PPARGC1A: variants seen among roughly 807,000 people sequenced by gnomAD.
PPARGC1A encodes peroxisome proliferator-activated receptor gamma coactivator 1-alpha.
PPARGC1A carries 25 observed loss-of-function variants against 88.7 expected under a neutral mutation model. That is an observed-to-expected ratio of 0.28 (90% confidence interval 0.21 to 0.39). The LOEUF (loss-of-function observed/expected upper bound fraction) is 0.39. PPARGC1A is among the 10% of genes least tolerant of loss of function. The probability of loss-of-function intolerance (pLI) is 1.00; values close to 1 mark genes in which losing one functional copy is unlikely to be tolerated. For synonymous variants in PPARGC1A, 363 were observed against 355.6 expected (o/e 1.02, Z -0.24); for missense variants, 880 against 968.7 (o/e 0.91, Z 1.22).
chr4:24,284,837 G>T, the PPARGC1A span, among the ~76,000 whole-genome samples: 1 of 152,158 alleles, frequency 6.6e-6, no homozygotes. Context: ...GACCAGCCTG[G>T]CCAGCATGGT....
chr4:24,294,611 C>T, the PPARGC1A span, among the ~76,000 whole-genome samples: 1 of 152,148 alleles, frequency 6.6e-6, no homozygotes, highest in Non-Finnish European at 1.5e-5. Flanking sequence ...AACAAGTTTG[C>T]TGTGGGTAAA....
the PPARGC1A span, among the ~76,000 whole-genome samples, chr4:24,400,434 G>A: frequency 6.6e-6 from 1 of 152,208 alleles, no homozygotes; most frequent in Non-Finnish European, 1.5e-5. Context: ...AGGTTCTTCA[G>A]TTTTGGGACT....
chr4:24,033,709 G>C, the PPARGC1A span, among the ~76,000 whole-genome samples: 1 of 152,134 alleles, frequency 6.6e-6, no homozygotes, highest in Non-Finnish European at 1.5e-5. Flanking sequence ...GGATGATAGA[G>C]GGAAAAAGGG....
chr4:24,048,841 A>C, the PPARGC1A span, among the ~76,000 whole-genome samples: 3 of 152,186 alleles, frequency 2.0e-5, no homozygotes, highest in Non-Finnish European at 4.4e-5. Flanking sequence ...ACTATTAGTC[A>C]ACTAATTTGA....
At chr4:23,980,326 C>T in the PPARGC1A span, among the ~76,000 whole-genome samples, 6 of 151,822 alleles carry the variant, frequency 4.0e-5, no homozygotes, top group African/African-American at 9.7e-5. Flanking sequence ...ATCATTATTC[C>T]TCTGTGAGGC....
chr4:24,458,984 A>G, the PPARGC1A span, among the ~76,000 whole-genome samples: 1 of 152,238 alleles, frequency 6.6e-6, no homozygotes, highest in Non-Finnish European at 1.5e-5. Flanking sequence ...TAGACGATGT[A>G]TGGTTTTGAT....
At chr4:23,870,531 AC>A (rs1172865321) in intron 2 of PPARGC1A, among the ~76,000 whole-genome samples, 4 of 152,204 alleles carry the variant, frequency 2.6e-5, no homozygotes, top group Non-Finnish European at 4.4e-5. Context: ...AATTTTCTAA[AC>A]CATTTCTTCA....
chr4:23,911,222 C>G, the PPARGC1A span, among the ~76,000 whole-genome samples: 1 of 152,110 alleles, frequency 6.6e-6, no homozygotes, highest in Non-Finnish European at 1.5e-5. Flanking sequence ...CTCCCCCCTC[C>G]CCTACTTTGA....
chr4:24,278,381 T>C, the PPARGC1A span, among the ~76,000 whole-genome samples: 2 of 152,182 alleles, frequency 1.3e-5, no homozygotes, highest in Admixed American at 1.3e-4. Context: ...TTGTGTCAAG[T>C]CCAAGTGATG....
chr4:24,066,332 G>A, the PPARGC1A span, among the ~76,000 whole-genome samples: 1 of 152,072 alleles, frequency 6.6e-6, no homozygotes, highest in Admixed American at 6.6e-5. Context: ...GTTCCTTTGA[G>A]AAAAACAACA....
chr4:24,209,173 C>T, the PPARGC1A span, among the ~76,000 whole-genome samples: 2 of 152,158 alleles, frequency 1.3e-5, no homozygotes, highest in East Asian at 1.9e-4. Flanking sequence ...GCTAGACCTC[C>T]GTTCTGGTTG....
At chr4:24,085,530 G>A in the PPARGC1A span, among the ~76,000 whole-genome samples, 1 of 152,142 alleles carries the variant, frequency 6.6e-6, no homozygotes, top group Non-Finnish European at 1.5e-5. Flanking sequence ...TTGGGTGCCT[G>A]GTGAGCACCC....
At chr4:23,939,480 T>A in the PPARGC1A span, among the ~76,000 whole-genome samples, 1 of 152,220 alleles carries the variant, frequency 6.6e-6, no homozygotes. Context: ...CAATATATTT[T>A]CCTTCCAAAG....
the PPARGC1A span, among the ~76,000 whole-genome samples, chr4:24,442,721 G>T: frequency 6.6e-6 from 1 of 152,166 alleles, no homozygotes; most frequent in African/African-American, 2.4e-5. Context: ...GGACAGTAAA[G>T]GTGTGGAATT....
chr4:24,121,610 C>T, the PPARGC1A span, among the ~76,000 whole-genome samples: 2 of 152,134 alleles, frequency 1.3e-5, no homozygotes. Flanking sequence ...TCTGAACAAC[C>T]ACAGGTGACC....
At chr4:23,870,277 C>T (rs1026827326) in intron 2 of PPARGC1A, among the ~76,000 whole-genome samples, 9 of 152,120 alleles carry the variant, frequency 5.9e-5, no homozygotes, top group South Asian at 2.1e-4. Context: ...GAAAGATTTC[C>T]GAATCACGTA....
the PPARGC1A span, among the ~76,000 whole-genome samples, chr4:24,081,909 T>C: frequency 1.3e-5 from 2 of 152,124 alleles, no homozygotes; most frequent in Non-Finnish European, 2.9e-5. Flanking sequence ...TATTCATTTG[T>C]CCATTGGTAA....
chr4:24,154,812 A>C, the PPARGC1A span, among the ~76,000 whole-genome samples: 1 of 152,218 alleles, frequency 6.6e-6, no homozygotes, highest in East Asian at 1.9e-4. Flanking sequence ...AAAAACCAGC[A>C]TTATAAAGGC....
At chr4:24,089,637 A>G in the PPARGC1A span, among the ~76,000 whole-genome samples, 2 of 150,860 alleles carry the variant, frequency 1.3e-5, no homozygotes, top group Non-Finnish European at 1.5e-5. Flanking sequence ...CAGCCTCCCG[A>G]GTAGCTGGGA....
Sources: gnomAD v4.1 joint callset for allele counts (sites outside exome capture counted in the v4.1 genomes callset) on GRCh38, gnomAD v4.1.1 for gene constraint, MANE v1.5 for transcripts, NCBI Gene and HGNC (gene_info 2026-07-23, HGNC 2026-07-21) for gene names.